EFTUD2: variants seen among roughly 807,000 people sequenced by gnomAD.
The protein encoded by EFTUD2 is elongation factor Tu GTP binding domain containing 2.
Under a neutral mutation model 114.3 loss-of-function variants are expected in EFTUD2, and 9 were observed. The ratio of observed to expected loss-of-function variants is 0.08; its 90% confidence interval spans 0.05 to 0.14. EFTUD2 has a LOEUF of 0.14. Among genes scored for constraint, EFTUD2 ranks in the 10% least tolerant of loss-of-function variants. The pLI, the probability that EFTUD2 is intolerant of heterozygous loss-of-function variation, is 1.00. For missense variants in EFTUD2, 765 were observed against 1,241.2 expected (o/e 0.62, Z 5.76); for synonymous variants, 449 against 462.3 (o/e 0.97, Z 0.37).
chr17:44,880,368 G>A lies in EFTUD2; in HGVS notation c.619+186C>T, dbSNP rs1476174182. 9.8e-6 allele frequency: 5 copies of A among 512,610 alleles called. No individual in the cohort carries two copies. In the Admixed American group the frequency reaches 1.7e-4, roughly 17 times the overall value. 31.8% of individuals were successfully genotyped at this position (512,610 alleles called of 1,614,324 possible). On this transcript the variant is annotated intron_variant, in intron 8 of 27. Transcript: ENST00000426333. ...GAGTAAAGACATGAATAGAAGGCCTGGAGTATGATGCTTGCTAAATTAACA... is the reference window on the plus strand; with the variant it reads ...GAGTAAAGACATGAATAGAAGGCCTAGAGTATGATGCTTGCTAAATTAACA...
chr17:44,853,960 A>C, intron 23 of EFTUD2: 1 of 1,358,336 alleles, frequency 7.4e-7, no homozygotes, highest in African/African-American at 1.5e-5. Flanking sequence ...CATGAAGCCC[A>C]ATCAGGGTCT....
chr17:44,860,593 T>A, intron 16 of EFTUD2, 50 bp from the exon 17 acceptor site: 35 of 955,002 alleles, frequency 3.7e-5, no homozygotes, highest in Non-Finnish European at 5.3e-5. Context: ...GAGCATTCCC[T>A]AATTTTTTTT....
chr17:44,854,912 T>A lies in EFTUD2; in HGVS notation c.2132+6A>T. 6.2e-7 allele frequency: 1 copy of A among 1,614,008 alleles called. No homozygotes were observed. Among genetic ancestry groups the A allele is most frequent in the Non-Finnish European group, 8.5e-7 (1 of 1,179,882 alleles). On this transcript the variant is annotated splice_donor_region_variant and intron_variant, in intron 21 of 27. Coordinates refer to ENST00000426333, the MANE Select transcript of EFTUD2 (RefSeq NM_004247.4). This position sits in a 1 kb window ranked among gnomAD's most constrained non-coding sequence, Gnocchi z 4.3. ...TTCGACCCTGGCGTCAGAGCCCTGT[T>A]CTCACCTGTTCCACGTAATCTGGAC...
At position 44,850,658 on chromosome 17, in the gene EFTUD2, A is replaced by T; in HGVS notation, c.*616T>A. ...GTGGGGTAGACTTCTGATCGCAGGA[A>T]CCCAACAACTCCCAAGCCATCTTAG... On this transcript the variant is annotated 3_prime_UTR_variant, in exon 28 of 28. Transcript: ENST00000426333. 2.7e-6 allele frequency: 1 copy of T among 376,096 alleles called. No homozygotes were observed. The highest frequency in any genetic ancestry group is 5.0e-6 in the Non-Finnish European group (1 of 201,026). 23.3% of individuals were successfully genotyped at this position (376,096 alleles called of 1,614,324 possible). A position where few individuals can be genotyped will look rare whatever the true frequency, so the allele number is the denominator to read the frequency against.
At chr17:44,856,758 C>CAAAAAAAA (rs551023404) in intron 20 of EFTUD2, among the ~76,000 whole-genome samples, 1 of 124,816 alleles carries the variant, frequency 8.0e-6, no homozygotes, top group Non-Finnish European at 1.7e-5. Context: ...CAGCCTGTGT[C>CAAAAAAAA]AAAAAAAAAA....
chr17:44,877,894 G>A (rs2050997421), intron 9 of EFTUD2, among the ~76,000 whole-genome samples: 1 of 151,956 alleles, frequency 6.6e-6, no homozygotes, highest in Non-Finnish European at 1.5e-5. Context: ...CACTTTGGGA[G>A]GCCTAGGTGG....
At position 44,857,102 on chromosome 17, in the gene EFTUD2, T is replaced by C; in HGVS notation, c.2018A>G (p.Lys673Arg). The C allele has an allele frequency of 6.2e-7, 1 of 1,614,012 alleles. No individual in the cohort carries two copies. Among genetic ancestry groups the C allele is most frequent in the Non-Finnish European group, 8.5e-7 (1 of 1,179,892 alleles). Residue 673 changes from lysine to arginine, a missense_variant, in exon 20 of 28, where the codon AAG becomes AGG. By Grantham distance (26) the Lys-to-Arg change is conservative. Transcript: ENST00000426333. ...CTTATTAGGCGTTTCAGCAAAGCACTTGAGGGAGGATGTTTCCACCACCGT... is the reference window on the plus strand; with the variant it reads ...CTTATTAGGCGTTTCAGCAAAGCACCTGAGGGAGGATGTTTCCACCACCGT... The part of the protein sequence containing the change: ...CETVVETSSL[K>R]CFAETPNKKN...
chr17:44,880,659 G>A lies in EFTUD2; in HGVS notation c.529-15C>T. The A allele has an allele frequency of 1.2e-6, 2 of 1,609,480 alleles. No individual in the cohort carries two copies. The highest frequency in any genetic ancestry group is 2.2e-5 in the South Asian group (2 of 90,888). On this transcript the variant is annotated splice_polypyrimidine_tract_variant and intron_variant, in intron 7 of 27. Transcript: ENST00000426333. ...CCTACACCTCTCTGAAAGGAACAAA[G>A]AGTGGTCAAGACCTCTTCCTATGCA...
At chr17:44,891,456 C>A (rs2051277344) in intron 2 of EFTUD2, among the ~76,000 whole-genome samples, 1 of 152,134 alleles carries the variant, frequency 6.6e-6, no homozygotes, top group African/African-American at 2.4e-5. Flanking sequence ...CTCAAGCCAT[C>A]CTCCTGCCTC....
Position 44,853,600 on chromosome 17 carries a change from C to T in EFTUD2, c.2383G>A (p.Val795Met), listed in dbSNP as rs758688644. ...CGGTGCAGGGGCTCCTGGGCAACCA[C>T]CGCATCCAGGATCTTAAACTTGACA... ...RNVKFKILDA[V>M]VAQEPLHRGG... Residue 795 changes from valine to methionine, a missense_variant, in exon 24 of 28, where the codon GTG becomes ATG. By Grantham distance (21) the Val-to-Met change is conservative. Transcript: ENST00000426333. The T allele has an allele frequency of 1.2e-6, 2 of 1,614,214 alleles. No individual in the cohort carries two copies. The highest frequency in any genetic ancestry group is 3.3e-5 in the Admixed American group (2 of 60,030).
chr17:44,897,215 CAAAA>C, intron 1 of EFTUD2, among the ~76,000 whole-genome samples: 1 of 66,548 alleles, frequency 1.5e-5, no homozygotes, highest in South Asian at 5.8e-4. Context: ...GACTCCGTCT[CAAAA>C]AAAAAAAAAA....
At position 44,854,713 on chromosome 17, in the gene EFTUD2, A is replaced by G. The variant is rs368881340; in HGVS notation, c.2133-31T>C. 5 of 1,604,508 alleles carry G rather than the reference A, an allele frequency of 3.1e-6. No homozygotes were observed. In the African/African-American group the frequency reaches 6.7e-5, roughly 21 times the overall value. On this transcript the variant is annotated intron_variant, in intron 21 of 27. Coordinates refer to ENST00000426333, the MANE Select transcript of EFTUD2 (RefSeq NM_004247.4). This position sits in a 1 kb window ranked among gnomAD's most constrained non-coding sequence, Gnocchi z 4.3. Reference sequence around the variant, plus strand: ...GAAGGGAGGAGACAATGGAGCTGTCAGCCAGCTCTGTGATTGCTGGTCCTG... The same window carrying G: ...GAAGGGAGGAGACAATGGAGCTGTCGGCCAGCTCTGTGATTGCTGGTCCTG...
intron 9 of EFTUD2, among the ~76,000 whole-genome samples, chr17:44,877,203 G>GAA (rs879579066): frequency 7.0e-6 from 1 of 142,812 alleles, no homozygotes. Flanking sequence ...CTCTTTGAAG[G>GAA]AAAAAAAAAA....
In EFTUD2 at chr17:44,853,885, CCTT is replaced by C. The variant is rs2050500267; in HGVS notation, c.2348-253_2348-251del. ...TTAGAGCTTTCCTAGAAGTTTATTT[CCTT>C]CTTCTGCACATATTTACATTTTTGT... is the stretch of plus-strand genomic sequence containing the variant. On this transcript the variant is annotated intron_variant, in intron 23 of 27. Transcript: ENST00000426333. The C allele has an allele frequency of 2.2e-6, 3 of 1,384,938 alleles. No individual in the cohort carries two copies. In the African/African-American group the frequency reaches 4.3e-5, roughly 20 times the overall value. 85.8% of individuals were successfully genotyped at this position (1,384,938 alleles called of 1,614,324 possible). A position where few individuals can be genotyped will look rare whatever the true frequency, so the allele number is the denominator to read the frequency against.
chr17:44,862,699 C>G lies in EFTUD2; in HGVS notation c.1607+14G>C. On this transcript the variant is annotated intron_variant, in intron 16 of 27. Transcript: ENST00000426333. ...GACACCAAGGCATACTCCTGGGGCT[C>G]TGGTTGGCAGTACCTGGCCACAGAG... The G allele has an allele frequency of 6.2e-7, 1 of 1,609,140 alleles. No individual in the cohort carries two copies. Among genetic ancestry groups the G allele is most frequent in the Non-Finnish European group, 8.5e-7 (1 of 1,176,972 alleles).
chr17:44,853,964 A>G, intron 23 of EFTUD2: 1 of 1,359,222 alleles, frequency 7.4e-7, no homozygotes, highest in East Asian at 2.8e-5. Flanking sequence ...AAGCCCAATC[A>G]GGGTCTATAA....
intron 9 of EFTUD2, among the ~76,000 whole-genome samples, chr17:44,878,687 G>A (rs11868767): frequency 0.26 from 39,869 of 152,082 alleles, 5,288 homozygotes; most frequent in Non-Finnish European, 0.28. Context: ...CTCTCTGTGT[G>A]TGTCTGAACG....
chr17:44,876,038 C>A lies in EFTUD2; in HGVS notation c.765G>T (p.Val255=). 6.2e-7 allele frequency: 1 copy of A among 1,614,058 alleles called. No homozygotes were observed. The highest frequency in any genetic ancestry group is 1.3e-5 in the African/African-American group (1 of 75,032). Reference sequence around the variant, plus strand: ...TCAGCCGGTCAATCTTGTTGATGCACACAGTGACTGCCAGCCTCTCCTGCA... The same window carrying A: ...TCAGCCGGTCAATCTTGTTGATGCAAACAGTGACTGCCAGCCTCTCCTGCA... ...HAVQERLAVT[V]CINKIDRLIL... Residue 255 remains valine, a synonymous_variant, in exon 10 of 28, where the codon GTG becomes GTT. Coordinates refer to ENST00000426333, the MANE Select transcript of EFTUD2 (RefSeq NM_004247.4).
At chr17:44,856,391 G>A (rs1418848200) in intron 20 of EFTUD2, among the ~76,000 whole-genome samples, 2 of 151,928 alleles carry the variant, frequency 1.3e-5, no homozygotes, top group African/African-American at 2.4e-5. Flanking sequence ...TTAGCCAGGT[G>A]TGGTGGTGCG....
Sources: gnomAD v4.1 joint callset for allele counts (sites outside exome capture counted in the v4.1 genomes callset) on GRCh38, gnomAD v4.1.1 for gene constraint, Gnocchi (gnomAD v3.1) non-coding constraint, MANE v1.5 for transcripts, NCBI Gene and HGNC (gene_info 2026-07-23, HGNC 2026-07-21) for gene names.